The following DCC variants were observed in gnomAD, a reference collection of about 807,000 sequenced individuals.
DCC encodes the protein DCC netrin 1 receptor.
Under a neutral mutation model 172.5 loss-of-function variants are expected in DCC, and 58 were observed. That is an observed-to-expected ratio of 0.34 (90% CI 0.27 to 0.42). DCC has a LOEUF of 0.42. Among genes scored for constraint, DCC ranks in the 10% least tolerant of loss-of-function variants. The probability of loss-of-function intolerance (pLI) is 1.00; values close to 1 mark genes in which losing one functional copy is unlikely to be tolerated. For missense variants in DCC, 1,740 were observed against 1,791.0 expected (o/e 0.97, Z 0.51); for synonymous variants, 709 against 644.5 (o/e 1.10, Z -1.52).
intron 1 of DCC, among the ~76,000 whole-genome samples, chr18:52,486,514 G>A (rs1050189981): frequency 1.3e-5 from 2 of 152,068 alleles, no homozygotes; most frequent in African/African-American, 4.8e-5. Context: ...TTGTGTGATA[G>A]CAAAGAAACA....
intron 7 of DCC, among the ~76,000 whole-genome samples, chr18:53,128,830 T>C (rs202053351): frequency 1.1e-3 from 93 of 86,962 alleles, no homozygotes; most frequent in African/African-American, 1.9e-3. Flanking sequence ...TGTATACACA[T>C]ACACACACAC....
At chr18:53,004,928 C>T (rs1290243411) in intron 5 of DCC, among the ~76,000 whole-genome samples, 4 of 152,128 alleles carry the variant, frequency 2.6e-5, no homozygotes, top group Admixed American at 6.5e-5. Flanking sequence ...CAGGTGGGGC[C>T]TAGTAAGAAG....
At chr18:53,244,015 T>G (rs897429441) in intron 12 of DCC, among the ~76,000 whole-genome samples, 5 of 152,216 alleles carry the variant, frequency 3.3e-5, no homozygotes, top group African/African-American at 1.2e-4. Flanking sequence ...ATGAAAAATA[T>G]GAGTTTGCTT....
chr18:52,848,519 C>T (rs1205844503), intron 2 of DCC, among the ~76,000 whole-genome samples: 6 of 152,106 alleles, frequency 3.9e-5, no homozygotes, highest in South Asian at 2.1e-4. Flanking sequence ...ATCAAACTTT[C>T]GTATTTTTTT....
chr18:52,469,366 C>T (rs765384943), intron 1 of DCC, among the ~76,000 whole-genome samples: 32 of 152,140 alleles, frequency 2.1e-4, no homozygotes, highest in Non-Finnish European at 3.8e-4. Context: ...AACCACTGTG[C>T]CCAGCTGGAA....
In DCC at chr18:53,179,170, A is replaced by G. The variant is rs184021690; in HGVS notation, c.1573+54A>G. On this transcript the variant is annotated intron_variant, in intron 9 of 28. Coordinates refer to ENST00000442544, the MANE Select transcript of DCC (RefSeq NM_005215.4). ...TAAAAAGTATTTATTTTCCTCTGCAATATCCTTGAATTCTTTCACAGAACC... is the reference window on the plus strand; with the variant it reads ...TAAAAAGTATTTATTTTCCTCTGCAGTATCCTTGAATTCTTTCACAGAACC... 4.0e-4 allele frequency: 611 copies of G among 1,524,650 alleles called. 2 individuals are homozygous for G. The highest frequency in any genetic ancestry group is 1.6e-3 in the Admixed American group (92 of 55,968). The allele number at this position is 1,524,650 out of a possible 1,614,324, so 94.4% of individuals were successfully genotyped here.
chr18:52,478,293 G>A (rs894785131), intron 1 of DCC, among the ~76,000 whole-genome samples: 136 of 152,092 alleles, frequency 8.9e-4, no homozygotes, highest in Non-Finnish European at 2.5e-4. Flanking sequence ...CATATCAAAT[G>A]TGTCTTTTCT....
intron 2 of DCC, among the ~76,000 whole-genome samples, chr18:52,877,561 G>A (rs1473520168): frequency 6.6e-6 from 1 of 151,958 alleles, no homozygotes; most frequent in South Asian, 2.1e-4. Context: ...ACAAAAATTA[G>A]CCAGGCATGG....
intron 12 of DCC, among the ~76,000 whole-genome samples, chr18:53,240,026 T>TAAAAAAAAAAAAAA (rs68158437): frequency 2.9e-5 from 2 of 69,044 alleles, no homozygotes; most frequent in Non-Finnish European, 3.0e-5. Context: ...GTTCTAGAGT[T>TAAAAAAAAAAAAAA]AAAAAAAAAA....
chr18:52,348,845 A>G (rs1444049443), intron 1 of DCC, among the ~76,000 whole-genome samples: 1 of 152,154 alleles, frequency 6.6e-6, no homozygotes. Flanking sequence ...TCACTGTAAC[A>G]TTGTTGATTA....
intron 11 of DCC, among the ~76,000 whole-genome samples, chr18:53,213,421 G>A (rs144364411): frequency 0.023 from 3,531 of 151,840 alleles, 135 homozygotes; most frequent in African/African-American, 0.08. Flanking sequence ...AGGCCGAGGC[G>A]GGTGGATCAC....
intron 27 of DCC, among the ~76,000 whole-genome samples, chr18:53,521,405 G>GTGTT (rs1308041682): frequency 6.6e-6 from 1 of 152,098 alleles, no homozygotes; most frequent in East Asian, 1.9e-4. Context: ...ATACACCTAA[G>GTGTT]TGTTTGGAAT....
At chr18:52,629,657 A>T (rs1268886410) in intron 1 of DCC, among the ~76,000 whole-genome samples, 1 of 152,148 alleles carries the variant, frequency 6.6e-6, no homozygotes, top group Non-Finnish European at 1.5e-5. Flanking sequence ...TCTAATAAAA[A>T]TACAAAAATT....
intron 3 of DCC, among the ~76,000 whole-genome samples, chr18:52,913,260 A>C (rs9963041): frequency 6.6e-6 from 1 of 151,844 alleles, no homozygotes; most frequent in Non-Finnish European, 1.5e-5. Context: ...CATTCCATTC[A>C]GATGTAACAA....
intron 12 of DCC, among the ~76,000 whole-genome samples, chr18:53,255,259 C>T (rs1206938194): frequency 1.3e-5 from 2 of 151,598 alleles, no homozygotes; most frequent in Non-Finnish European, 2.9e-5. Context: ...TACATGTGCA[C>T]AACATGCAGG....
At chr18:53,375,616 C>CTTT (rs1555660824) in intron 15 of DCC, among the ~76,000 whole-genome samples, 23 of 123,078 alleles carry the variant, frequency 1.9e-4, no homozygotes, top group African/African-American at 5.6e-4. Flanking sequence ...ATATTTAATT[C>CTTT]TTTTTTTTTT....
chr18:53,468,980 A>G (rs1022467696), intron 25 of DCC, among the ~76,000 whole-genome samples: 1 of 152,142 alleles, frequency 6.6e-6, no homozygotes, highest in Admixed American at 6.5e-5. Context: ...CTCAATTCAT[A>G]AATTCCATGT....
At chr18:53,257,308 C>T (rs1295324151) in intron 12 of DCC, among the ~76,000 whole-genome samples, 6 of 152,150 alleles carry the variant, frequency 3.9e-5, no homozygotes, top group East Asian at 1.9e-4. Flanking sequence ...AAAGGGAATG[C>T]TTCCAGTTTT....
chr18:53,429,931 A>G (rs1176282350), intron 21 of DCC, among the ~76,000 whole-genome samples: 1 of 152,072 alleles, frequency 6.6e-6, no homozygotes, highest in Non-Finnish European at 1.5e-5. Context: ...CGTGTTGGTT[A>G]TGATTTTGCT....
Sources: gnomAD v4.1 joint callset for allele counts (sites outside exome capture counted in the v4.1 genomes callset) on GRCh38, gnomAD v4.1.1 for gene constraint, MANE v1.5 for transcripts, NCBI Gene and HGNC (gene_info 2026-07-23, HGNC 2026-07-21) for gene names.